The following TMEM179 variants were observed in gnomAD, a reference collection of about 807,000 sequenced individuals.
TMEM179 encodes the protein transmembrane protein 179A.
Under a neutral mutation model 22.2 loss-of-function variants are expected in TMEM179, and 17 were observed. The observed-to-expected ratio is 0.77, with a 90% CI of 0.52 to 1.15. TMEM179 has a LOEUF of 1.15. Ranked by LOEUF, TMEM179 falls within the 50% of genes most tolerant of loss-of-function variation. The pLI, the probability that TMEM179 is intolerant of heterozygous loss-of-function variation, is 0.00. For missense variants in TMEM179, 265 were observed against 313.6 expected (o/e 0.84, Z 1.17); for synonymous variants, 127 against 140.5 (o/e 0.90, Z 0.68).
chr14:104,601,995 G>A (rs1887254651), intron 1 of TMEM179, among the ~76,000 whole-genome samples: 1 of 152,094 alleles, frequency 6.6e-6, no homozygotes, highest in South Asian at 2.1e-4. Context: ...CTGCATCCCA[G>A]CCGGCTCCAC....
rs1886837654 is a variant in TMEM179, at chr14:104,591,351, T to C, written c.*2128A>G. 1 of 455,802 alleles carries C rather than the reference T, an allele frequency of 2.2e-6. No individual in the cohort carries two copies. The highest frequency in any genetic ancestry group is 1.5e-5 in the South Asian group (1 of 64,560). The allele number at this position is 455,802 out of a possible 1,614,324, so 28.2% of individuals were successfully genotyped here. A position where few individuals can be genotyped will look rare whatever the true frequency, so the allele number is the denominator to read the frequency against. On this transcript the variant is annotated 3_prime_UTR_variant, in exon 4 of 4. Coordinates refer to ENST00000556573, the MANE Select transcript of TMEM179 (RefSeq NM_001286389.2). ...AGATGGCTGTGGCCTGGATCAGGGC[T>C]GGGCAGAGGGTGAGGCAGGAGCCAC...
In TMEM179 at chr14:104,595,310, G is replaced by A. The variant is rs1162638309; in HGVS notation, c.444-67C>T. The A allele has an allele frequency of 2.1e-5, 32 of 1,490,588 alleles. No individual in the cohort carries two copies. The highest frequency in any genetic ancestry group is 4.6e-5 in the East Asian group (2 of 43,038). 92.3% of individuals were successfully genotyped at this position (1,490,588 alleles called of 1,614,324 possible). A position where few individuals can be genotyped will look rare whatever the true frequency, so the allele number is the denominator to read the frequency against. ...AGCCAGTGCGGGACATGGCTGAGCC[G>A]CTGGCCAGAGAGCCAGGAGCTTTGC... On this transcript the variant is annotated intron_variant, in intron 2 of 3. Coordinates refer to ENST00000556573, the MANE Select transcript of TMEM179 (RefSeq NM_001286389.2). This position sits in a 1 kb window ranked among gnomAD's most constrained non-coding sequence, Gnocchi z 5.7.
rs1372344129 is a variant in TMEM179, at chr14:104,604,331, G to A, written c.305+106C>T. On this transcript the variant is annotated intron_variant, in intron 1 of 3. Transcript: ENST00000556573. The surrounding 1 kb of genome is among the most constrained non-coding windows in gnomAD (Gnocchi z 4.6). ...CGGATTGTTGACATTTGCGGGCCTC[G>A]GAGCTGCCTGAGAGACGGAGGGACT... 2.3e-6 allele frequency: 3 copies of A among 1,282,570 alleles called. No individual in the cohort carries two copies. Among genetic ancestry groups the A allele is most frequent in the East Asian group, 3.0e-5 (1 of 33,602 alleles). The allele number at this position is 1,282,570 out of a possible 1,614,324, so 79.4% of individuals were successfully genotyped here.
chr14:104,602,408 G>A (rs760392432), intron 1 of TMEM179, among the ~76,000 whole-genome samples: 2 of 152,160 alleles, frequency 1.3e-5, no homozygotes, highest in East Asian at 1.9e-4. Flanking sequence ...GAAGAAGTGC[G>A]TGAGCGATGA....
chr14:104,604,501 A>T lies in TMEM179; in HGVS notation c.241T>A (p.Ser81Thr). ...CRFSLLASLL[S>T]LLLAAAHAWR... ...GCGTGCGCGGCGGCCAGCAGCAGAG[A>T]CAGGAGGCTGGCGAGCAGGCTGAAG... is the stretch of plus-strand genomic sequence containing the variant. Residue 81 changes from serine (S) to threonine (T), a missense_variant, in exon 1 of 4, where the codon TCT (serine) becomes ACT (threonine). By Grantham distance (58) the Ser-to-Thr change is moderately conservative. Coordinates refer to ENST00000556573, the MANE Select transcript of TMEM179 (RefSeq NM_001286389.2). The surrounding 1 kb of genome is among the most constrained non-coding windows in gnomAD (Gnocchi z 4.6). 1.3e-6 allele frequency: 2 copies of T among 1,575,594 alleles called. No individual in the cohort carries two copies. Among genetic ancestry groups the T allele is most frequent in the Non-Finnish European group, 1.7e-6 (2 of 1,163,128 alleles).
chr14:104,597,803 C>T lies in TMEM179; in HGVS notation c.306-676G>A, dbSNP rs922489303. Among the ~76,000 whole-genome samples, 2 of 152,178 alleles carry T rather than the reference C, an allele frequency of 1.3e-5. No homozygotes were observed. Among genetic ancestry groups the T allele is most frequent in the African/African-American group, 4.8e-5 (2 of 41,448 alleles). ...GTGATGCCGAGAGCTTCCATTCACC[C>T]GCAGGTCATCAGCGCGTGGCCTGGA... On this transcript the variant is annotated intron_variant, in intron 1 of 3. Coordinates refer to ENST00000556573, the MANE Select transcript of TMEM179 (RefSeq NM_001286389.2). The surrounding 1 kb of genome is among the most constrained non-coding windows in gnomAD (Gnocchi z 4.8).
At chr14:104,594,325 G>A in intron 3 of TMEM179, 1 of 1,231,352 alleles carries the variant, frequency 8.1e-7, no homozygotes, top group Non-Finnish European at 1.0e-6. Flanking sequence ...CTCCTGGCCA[G>A]GAGAAGCGTC....
chr14:104,593,876 G>A (rs947511260), intron 3 of TMEM179, among the ~76,000 whole-genome samples: 1 of 152,228 alleles, frequency 6.6e-6, no homozygotes, highest in Non-Finnish European at 1.5e-5. Context: ...CAGCACCTGT[G>A]GCCCTCCCGG....
chr14:104,591,791 C>T lies in TMEM179; in HGVS notation c.*1688G>A, dbSNP rs1342518942. 4 of 209,400 alleles carry T rather than the reference C, an allele frequency of 1.9e-5. No individual in the cohort carries two copies. Among genetic ancestry groups the T allele is most frequent in the South Asian group, 6.5e-5 (1 of 15,432 alleles). 13.0% of individuals were successfully genotyped at this position (209,400 alleles called of 1,614,324 possible). A position where few individuals can be genotyped will look rare whatever the true frequency, so the allele number is the denominator to read the frequency against. On this transcript the variant is annotated 3_prime_UTR_variant, in exon 4 of 4. Coordinates refer to ENST00000556573, the MANE Select transcript of TMEM179 (RefSeq NM_001286389.2). ...TCAGGGAGCCAGGGGCTCGCCTCTC[C>T]CCGGGAAGGTGGGCGCAGCAGCAGG...
In TMEM179 at chr14:104,592,872, C is replaced by T. The variant is rs1213465834; in HGVS notation, c.*607G>A. 2 of 155,396 alleles carry T rather than the reference C, an allele frequency of 1.3e-5. No individual in the cohort carries two copies. The highest frequency in any genetic ancestry group is 2.9e-5 in the Non-Finnish European group (2 of 69,990). 9.6% of individuals were successfully genotyped at this position (155,396 alleles called of 1,614,324 possible). On this transcript the variant is annotated 3_prime_UTR_variant, in exon 4 of 4. Coordinates refer to ENST00000556573, the MANE Select transcript of TMEM179 (RefSeq NM_001286389.2). ...CCCTCAGCCAAGCACAGACAGGACCCACACACAGTGAGGTGAACTCACAGG... is the reference window on the plus strand; with the variant it reads ...CCCTCAGCCAAGCACAGACAGGACCTACACACAGTGAGGTGAACTCACAGG...
chr14:104,599,329 C>T (rs1444522383), intron 1 of TMEM179, among the ~76,000 whole-genome samples: 4 of 17,302 alleles, frequency 2.3e-4, no homozygotes, highest in Non-Finnish European at 3.8e-4. Context: ...GGTGGGAGGG[C>T]GGGAGAGCAA....
At chr14:104,596,654 G>A (rs1213068316) in intron 2 of TMEM179, among the ~76,000 whole-genome samples, 3 of 152,188 alleles carry the variant, frequency 2.0e-5, no homozygotes, top group Admixed American at 6.5e-5. Flanking sequence ...CATGCTGCAC[G>A]GGATCTGTCA....
At chr14:104,598,167 T>C (rs1000569150) in intron 1 of TMEM179, among the ~76,000 whole-genome samples, 1 of 151,924 alleles carries the variant, frequency 6.6e-6, no homozygotes, top group African/African-American at 2.4e-5. Flanking sequence ...GTCCCTCGAA[T>C]GGGCCTGGGG....
At chr14:104,602,362 C>G (rs1243731428) in intron 1 of TMEM179, among the ~76,000 whole-genome samples, 3 of 152,196 alleles carry the variant, frequency 2.0e-5, no homozygotes, top group African/African-American at 7.2e-5. Context: ...TCAGCCCCAG[C>G]TGGACCACAG....
rs564849114 is a variant in TMEM179 at position 104,599,063 on chromosome 14, C to A, written c.306-1936G>T. Among the ~76,000 whole-genome samples the A allele has an allele frequency of 5.9e-5, 9 of 152,340 alleles. No homozygotes were observed. The South Asian group carries it at 1.9e-3, about 32-fold the overall frequency. ...CAAAGCTCTCTGAAGACAGAAAGAG[C>A]AGCGGCAAAAGTTCGCCAGGATGGG... On this transcript the variant is annotated intron_variant, in intron 1 of 3. Transcript: ENST00000556573.
chr14:104,591,593 C>T lies in TMEM179; in HGVS notation c.*1886G>A. The T allele has an allele frequency of 2.8e-6, 1 of 361,116 alleles. No homozygotes were observed. The allele number at this position is 361,116 out of a possible 1,614,324, so 22.4% of individuals were successfully genotyped here. A position where few individuals can be genotyped will look rare whatever the true frequency, so the allele number is the denominator to read the frequency against. ...CCTTGAGCTTCCAGAGCCTCGATCCCCCTGGACTTGACACCCCCGATGGGC... is the reference window on the plus strand; with the variant it reads ...CCTTGAGCTTCCAGAGCCTCGATCCTCCTGGACTTGACACCCCCGATGGGC... On this transcript the variant is annotated 3_prime_UTR_variant, in exon 4 of 4. Transcript: ENST00000556573.
At chr14:104,602,215 G>C (rs531913499) in intron 1 of TMEM179, among the ~76,000 whole-genome samples, 155 of 152,332 alleles carry the variant, frequency 1.0e-3, no homozygotes, top group Admixed American at 2.5e-3. Flanking sequence ...TACCCTGTGC[G>C]ACCTGGACTC....
chr14:104,600,358 C>T (rs1401372473), intron 1 of TMEM179, among the ~76,000 whole-genome samples: 1 of 152,202 alleles, frequency 6.6e-6, no homozygotes, highest in Admixed American at 6.5e-5. Flanking sequence ...CCATGGTGAC[C>T]GCTGTCCTGG....
chr14:104,594,907 C>A (rs111736562), intron 3 of TMEM179: 4 of 1,282,916 alleles, frequency 3.1e-6, no homozygotes, highest in African/African-American at 3.1e-5. Flanking sequence ...CCACCCCAGA[C>A]CCCAGGGCCT....
Sources: allele counts gnomAD v4.1 joint callset (sites outside exome capture counted in the v4.1 genomes callset), GRCh38; gene constraint gnomAD v4.1.1; non-coding constraint Gnocchi (gnomAD v3.1); transcripts MANE v1.5; gene names NCBI Gene and HGNC (gene_info 2026-07-23, HGNC 2026-07-21).